Variants in PPARGC1A observed in about 807,000 individuals in gnomAD.
PPARGC1A encodes peroxisome proliferator-activated receptor gamma coactivator 1-alpha.
Under a neutral mutation model 88.7 loss-of-function variants are expected in PPARGC1A, and 25 were observed. That is an observed-to-expected ratio of 0.28 (90% CI 0.21 to 0.39). The LOEUF (loss-of-function observed/expected upper bound fraction) is 0.39, where lower values mean the gene tolerates loss of function less well. PPARGC1A is among the 10% of genes least tolerant of loss of function. The pLI, the probability that PPARGC1A is intolerant of heterozygous loss-of-function variation, is 1.00. For synonymous variants in PPARGC1A, 363 were observed against 355.6 expected (o/e 1.02, Z -0.24); for missense variants, 880 against 968.7 (o/e 0.91, Z 1.22).
chr4:23,805,047 A>G (rs911675038), intron 10 of PPARGC1A, among the ~76,000 whole-genome samples: 4 of 152,228 alleles, frequency 2.6e-5, no homozygotes, highest in Non-Finnish European at 4.4e-5. Flanking sequence ...TAAACAAAGC[A>G]TCAAAACATA....
chr4:24,318,475 C>G, the PPARGC1A span, among the ~76,000 whole-genome samples: 1 of 152,248 alleles, frequency 6.6e-6, no homozygotes, highest in Non-Finnish European at 1.5e-5. Context: ...TAAGTACTTT[C>G]ACTCTGCTAT....
chr4:23,984,592 G>A, the PPARGC1A span, among the ~76,000 whole-genome samples: 1 of 152,056 alleles, frequency 6.6e-6, no homozygotes, highest in Non-Finnish European at 1.5e-5. Context: ...TTTAAAAATT[G>A]TCATATTAAG....
the PPARGC1A span, among the ~76,000 whole-genome samples, chr4:24,160,259 A>C: frequency 1.3e-5 from 2 of 152,248 alleles, no homozygotes; most frequent in African/African-American, 4.8e-5. Flanking sequence ...TGTGGGATAC[A>C]TCATTGAACA....
chr4:24,228,157 A>C, the PPARGC1A span, among the ~76,000 whole-genome samples: 3 of 152,282 alleles, frequency 2.0e-5, no homozygotes, highest in South Asian at 6.2e-4. Flanking sequence ...AAAGTGATCT[A>C]ATCCTTGGTT....
chr4:23,844,411 TA>T (rs1405809838), intron 2 of PPARGC1A, among the ~76,000 whole-genome samples: 2 of 126,044 alleles, frequency 1.6e-5, no homozygotes, highest in African/African-American at 3.0e-5. Context: ...TATCATATAA[TA>T]ATATATAATA....
the PPARGC1A span, among the ~76,000 whole-genome samples, chr4:24,129,153 G>A: frequency 6.6e-6 from 1 of 152,210 alleles, no homozygotes; most frequent in African/African-American, 2.4e-5. Flanking sequence ...TAAATGACAA[G>A]ACTGCACATA....
chr4:24,390,127 T>C, the PPARGC1A span, among the ~76,000 whole-genome samples: 2 of 152,086 alleles, frequency 1.3e-5, no homozygotes, highest in South Asian at 2.1e-4. Flanking sequence ...CTGTGAAAAC[T>C]GTTTTAGCAG....
chr4:24,440,568 G>A, the PPARGC1A span, among the ~76,000 whole-genome samples: 5 of 152,266 alleles, frequency 3.3e-5, no homozygotes, highest in South Asian at 4.2e-4. Context: ...TTGGGAGGCC[G>A]GGATGGGCGG....
At chr4:24,214,589 G>A in the PPARGC1A span, among the ~76,000 whole-genome samples, 1 of 152,194 alleles carries the variant, frequency 6.6e-6, no homozygotes, top group Admixed American at 6.5e-5. Flanking sequence ...CACAGTGGTG[G>A]AGACAAAGAT....
the PPARGC1A span, among the ~76,000 whole-genome samples, chr4:23,930,888 A>G: frequency 6.6e-6 from 1 of 152,224 alleles, no homozygotes; most frequent in Non-Finnish European, 1.5e-5. Flanking sequence ...GTTCAAAGTG[A>G]CACACTAACC....
the PPARGC1A span, among the ~76,000 whole-genome samples, chr4:24,144,793 T>A: frequency 1.9e-4 from 29 of 152,224 alleles, 2 homozygotes; most frequent in African/African-American, 7.0e-4. Flanking sequence ...AAATAGATAG[T>A]CTGTTCAAAT....
the PPARGC1A span, among the ~76,000 whole-genome samples, chr4:24,122,663 C>T: frequency 1.3e-5 from 2 of 152,058 alleles, no homozygotes; most frequent in Non-Finnish European, 2.9e-5. Context: ...GGAAATGGGA[C>T]ATACCAATTA....
chr4:24,114,459 C>T, the PPARGC1A span, among the ~76,000 whole-genome samples: 1 of 152,112 alleles, frequency 6.6e-6, no homozygotes, highest in African/African-American at 2.4e-5. Flanking sequence ...CTGCTATAGC[C>T]CAAAGTCTCC....
chr4:23,800,313 T>C (rs1718435198), intron 12 of PPARGC1A, among the ~76,000 whole-genome samples: 1 of 152,072 alleles, frequency 6.6e-6, no homozygotes, highest in Non-Finnish European at 1.5e-5. Flanking sequence ...CCTCAAAGAA[T>C]TTAAAGGCTT....
At chr4:23,912,892 C>T in the PPARGC1A span, among the ~76,000 whole-genome samples, 1 of 151,240 alleles carries the variant, frequency 6.6e-6, no homozygotes. Flanking sequence ...GGGTTCATGC[C>T]ATTCTCCTGC....
chr4:24,103,215 C>T, the PPARGC1A span, among the ~76,000 whole-genome samples: 4 of 152,068 alleles, frequency 2.6e-5, no homozygotes, highest in Non-Finnish European at 5.9e-5. Flanking sequence ...AAGGGGGAAG[C>T]CTTGGCCGAG....
chr4:24,250,634 A>T, the PPARGC1A span, among the ~76,000 whole-genome samples: 3 of 152,222 alleles, frequency 2.0e-5, no homozygotes, highest in South Asian at 6.2e-4. Context: ...AGGAAGGAGA[A>T]GGGATGGAGA....
the PPARGC1A span, among the ~76,000 whole-genome samples, chr4:24,158,657 T>C: frequency 6.6e-6 from 1 of 152,144 alleles, no homozygotes; most frequent in Non-Finnish European, 1.5e-5. Context: ...TGGAGTAAAA[T>C]AAACAGGCAG....
At position 23,802,247 on chromosome 4, in the gene PPARGC1A, G is replaced by C; in HGVS notation, c.2118C>G (p.Cys706Trp). ...ACCCATCATCCCGCAGATTTACTGT[G>C]CACTCCTCAATTTCACCAAAAACTT... ...RFEVFGEIEECTVNLRDDGDS... is the reference protein window; with the variant it reads ...RFEVFGEIEEWTVNLRDDGDS... Residue 706 changes from cysteine (C) to tryptophan (W), a missense_variant, in exon 11 of 13, where the codon TGC (cysteine) becomes TGG (tryptophan). Transcript: ENST00000264867. The C allele has an allele frequency of 6.2e-7, 1 of 1,613,966 alleles. No individual in the cohort carries two copies.
Sources: gnomAD v4.1 joint callset for allele counts (sites outside exome capture counted in the v4.1 genomes callset) on GRCh38, gnomAD v4.1.1 for gene constraint, MANE v1.5 for transcripts, NCBI Gene and HGNC (gene_info 2026-07-23, HGNC 2026-07-21) for gene names.